Variants in ARB2A observed in about 807,000 individuals in gnomAD.
ARB2A encodes the protein cotranscriptional regulator ARB2A.
At chr5:93,934,233 T>C in the ARB2A span, among the ~76,000 whole-genome samples, 42 of 152,258 alleles carry the variant, frequency 2.8e-4, no homozygotes, top group African/African-American at 1.0e-3. Flanking sequence ...CTTTCCCCCA[T>C]ACACAGATCA....
At chr5:93,831,985 A>G in the ARB2A span, among the ~76,000 whole-genome samples, 1 of 152,198 alleles carries the variant, frequency 6.6e-6, no homozygotes, top group African/African-American at 2.4e-5. Flanking sequence ...AATGTCTACA[A>G]TATCCACAAG....
At chr5:93,857,049 C>T in the ARB2A span, among the ~76,000 whole-genome samples, 1 of 152,190 alleles carries the variant, frequency 6.6e-6, no homozygotes, top group Non-Finnish European at 1.5e-5. Flanking sequence ...GAGGTCCACT[C>T]CAGACCCTAT....
the ARB2A span, among the ~76,000 whole-genome samples, chr5:94,023,605 TG>T: frequency 6.6e-6 from 1 of 152,220 alleles, no homozygotes; most frequent in Non-Finnish European, 1.5e-5. Context: ...GGAGACATTT[TG>T]TTCATTCACT....
chr5:93,621,453 C>T, the ARB2A span, among the ~76,000 whole-genome samples: 1 of 152,214 alleles, frequency 6.6e-6, no homozygotes, highest in East Asian at 1.9e-4. Flanking sequence ...AACGCGGGGA[C>T]GCGGCCCGGA....
At chr5:93,901,458 T>C in the ARB2A span, among the ~76,000 whole-genome samples, 1 of 152,162 alleles carries the variant, frequency 6.6e-6, no homozygotes, top group Non-Finnish European at 1.5e-5. Flanking sequence ...TTCAAGCTAA[T>C]AAACTCCACT....
the ARB2A span, among the ~76,000 whole-genome samples, chr5:93,884,232 T>C: frequency 1.3e-4 from 19 of 151,600 alleles, no homozygotes; most frequent in Non-Finnish European, 2.1e-4. Context: ...TCTTATTACT[T>C]AATCAAAAAA....
the ARB2A span, chr5:93,740,503 C>A: frequency 6.8e-7 from 1 of 1,460,340 alleles, no homozygotes; most frequent in Admixed American, 2.2e-5. Context: ...CTCAAATGAA[C>A]CCTAGGGACA....
At chr5:93,966,430 A>T in the ARB2A span, among the ~76,000 whole-genome samples, 1 of 152,256 alleles carries the variant, frequency 6.6e-6, no homozygotes, top group South Asian at 2.1e-4. Flanking sequence ...CAAGGTTTAT[A>T]CTACAGGATA....
chr5:94,012,620 T>C, the ARB2A span, among the ~76,000 whole-genome samples: 1 of 152,180 alleles, frequency 6.6e-6, no homozygotes, highest in African/African-American at 2.4e-5. Flanking sequence ...AACTGCCAGG[T>C]ACATCAGGGA....
the ARB2A span, among the ~76,000 whole-genome samples, chr5:93,922,763 CAT>C: frequency 6.6e-6 from 1 of 151,392 alleles, no homozygotes; most frequent in Admixed American, 6.6e-5. Flanking sequence ...AGGAAAAAGA[CAT>C]AGAAGATACA....
the ARB2A span, among the ~76,000 whole-genome samples, chr5:94,039,670 C>A: frequency 2.6e-5 from 4 of 152,092 alleles, no homozygotes; most frequent in African/African-American, 9.7e-5. Context: ...TATGGACTCG[C>A]CCCGAATTCT....
chr5:93,618,773 G>A, the ARB2A span: 1 of 152,072 alleles, frequency 6.6e-6, no homozygotes, highest in East Asian at 1.9e-4. Context: ...AGTTAAACCA[G>A]GCCTAACCAT....
At chr5:94,052,959 G>A in the ARB2A span, among the ~76,000 whole-genome samples, 1 of 152,092 alleles carries the variant, frequency 6.6e-6, no homozygotes, top group African/African-American at 2.4e-5. Context: ...ACCATGCAAG[G>A]ATGTCACTAT....
the ARB2A span, among the ~76,000 whole-genome samples, chr5:93,826,806 T>C: frequency 7.1e-6 from 1 of 139,984 alleles, no homozygotes; most frequent in African/African-American, 2.7e-5. Flanking sequence ...CCATGTGTTC[T>C]CATTGTTCAA....
At chr5:93,919,593 G>A in the ARB2A span, among the ~76,000 whole-genome samples, 4 of 152,108 alleles carry the variant, frequency 2.6e-5, no homozygotes, top group Non-Finnish European at 4.4e-5. Context: ...CCAAATGGTC[G>A]TTAGCTTTGT....
chr5:93,650,383 G>A, the ARB2A span, among the ~76,000 whole-genome samples: 1 of 152,170 alleles, frequency 6.6e-6, no homozygotes, highest in East Asian at 1.9e-4. Context: ...AAATTCACTG[G>A]ATGGACTTAA....
the ARB2A span, among the ~76,000 whole-genome samples, chr5:93,652,397 CTATT>C: frequency 7.9e-3 from 1,206 of 152,272 alleles, 17 homozygotes; most frequent in African/African-American, 0.027. Flanking sequence ...ACTCAATCCT[CTATT>C]AGTGTACTAT....
chr5:93,634,740 T>G, the ARB2A span, among the ~76,000 whole-genome samples: 1 of 152,170 alleles, frequency 6.6e-6, no homozygotes, highest in Admixed American at 6.5e-5. Context: ...GATGGAAATA[T>G]ATCAAATATA....
At chr5:93,916,500 C>A in the ARB2A span, among the ~76,000 whole-genome samples, 1 of 152,072 alleles carries the variant, frequency 6.6e-6, no homozygotes, top group East Asian at 1.9e-4. Flanking sequence ...CAACTGATGG[C>A]ATTTATGCTT....
Sources: gnomAD v4.1 joint callset for allele counts (sites outside exome capture counted in the v4.1 genomes callset) on GRCh38, gnomAD v4.1.1 for gene constraint, MANE v1.5 for transcripts, NCBI Gene and HGNC (gene_info 2026-07-23, HGNC 2026-07-21) for gene names.